The following DIXDC1 variants were observed in gnomAD, a reference collection of about 807,000 sequenced individuals.
The protein encoded by DIXDC1 is dixin.
Under a neutral mutation model 103.1 loss-of-function variants are expected in DIXDC1, and 64 were observed. The ratio of observed to expected loss-of-function variants is 0.62; its 90% CI spans 0.51 to 0.76. DIXDC1 has a LOEUF of 0.76. Among genes scored for constraint, DIXDC1 ranks in the 30% least tolerant of loss-of-function variants. The probability of loss-of-function intolerance (pLI) is 0.00; values close to 1 mark genes in which losing one functional copy is unlikely to be tolerated. For synonymous variants in DIXDC1, 266 were observed against 298.5 expected (o/e 0.89, Z 1.12); for missense variants, 759 against 834.2 (o/e 0.91, Z 1.11).
At position 111,964,738 on chromosome 11, in the gene DIXDC1, C is replaced by T. The variant is rs1859674062; in HGVS notation, c.190+60C>T. 3 of 1,505,608 alleles carry T rather than the reference C, an allele frequency of 2.0e-6. No individual in the cohort carries two copies. The Admixed American group carries it at 7.2e-5, about 36-fold the overall frequency. The allele number at this position is 1,505,608 out of a possible 1,614,324, so 93.3% of individuals were successfully genotyped here. A position where few individuals can be genotyped will look rare whatever the true frequency, so the allele number is the denominator to read the frequency against. On this transcript the variant is annotated intron_variant, in intron 2 of 19. Transcript: ENST00000440460. The stretch of plus-strand genomic sequence containing the variant: ...TAGATCAGAATCTGGCCTTCTTTAT[C>T]CTTCTTATGCCCTTTAGAGCAGGTT...
intron 17 of DIXDC1, among the ~76,000 whole-genome samples, chr11:112,013,822 TAGG>T (rs1861505134): frequency 6.6e-6 from 1 of 152,088 alleles, no homozygotes; most frequent in African/African-American, 2.4e-5. Flanking sequence ...CTAGGTAACT[TAGG>T]AGGAAAAGAG....
rs1341239330 is a variant in DIXDC1, at chr11:111,932,054, C to CA, written c.57+2145dup. ...TTTTTTTTTTTTTTTTTTTTTGAGA[C>CA]AGAGTCTCACTCTGTTCCCAGGCTG... On this transcript the variant is annotated intron_variant, in intron 2 of 5. Transcript: ENST00000529225. Among the ~76,000 whole-genome samples, 38 of 114,192 alleles carry CA rather than the reference C, an allele frequency of 3.3e-4. No individual in the cohort carries two copies. In the South Asian group the frequency reaches 0.011, roughly 33 times the overall value. 74.9% of individuals were successfully genotyped at this position (114,192 alleles called of 152,430 possible).
intron 5 of DIXDC1, chr11:111,975,665 A>AT: frequency 1.0e-6 from 1 of 985,582 alleles, no homozygotes; most frequent in Non-Finnish European, 1.2e-6. Flanking sequence ...TACTAACTTC[A>AT]TTTTGTTGCT....
At chr11:111,936,137 C>T (rs1407099652), upstream of DIXDC1, among the ~76,000 whole-genome samples, 1 of 152,106 alleles carries the variant, frequency 6.6e-6, no homozygotes, top group Non-Finnish European at 1.5e-5. Flanking sequence ...ACTCCTAGAT[C>T]CTTGAGCTGC....
chr11:111,957,804 T>C (rs868936367), intron 1 of DIXDC1, among the ~76,000 whole-genome samples: 1 of 152,168 alleles, frequency 6.6e-6, no homozygotes, highest in Admixed American at 6.5e-5. Flanking sequence ...AGTGGGACAG[T>C]TGGTGAAATT....
chr11:111,951,057 A>G (rs1592554936), intron 1 of DIXDC1, among the ~76,000 whole-genome samples: 1 of 152,236 alleles, frequency 6.6e-6, no homozygotes, highest in South Asian at 2.1e-4. Context: ...AGGGAGAAAT[A>G]CAAATACACA....
chr11:111,954,690 T>C lies in DIXDC1; in HGVS notation c.61-9859T>C, dbSNP rs182556679. 2.3e-3 allele frequency among the ~76,000 whole-genome samples: 345 copies of C among 152,284 alleles called. 1 individual carries two copies. Among genetic ancestry groups the C allele is most frequent in the Admixed American group, 3.8e-3 (58 of 15,298 alleles). Reference sequence around the variant, plus strand: ...TACTCTATTGTAGTTAATAAATTTATTTTTCACCAGGTATGAGTTAGCAGT... The same window carrying C: ...TACTCTATTGTAGTTAATAAATTTACTTTTCACCAGGTATGAGTTAGCAGT... On this transcript the variant is annotated intron_variant, in intron 1 of 19. Transcript: ENST00000440460.
At chr11:111,950,410 G>GTGTATA (rs1966741128) in intron 1 of DIXDC1, among the ~76,000 whole-genome samples, 1 of 25,034 alleles carries the variant, frequency 4.0e-5, no homozygotes, top group African/African-American at 1.1e-4. Flanking sequence ...TACAAAGTAG[G>GTGTATA]TATATATATA....
At position 111,958,913 on chromosome 11, in the gene DIXDC1, G is replaced by T. The variant is rs1859482046; in HGVS notation, c.61-5636G>T. Among the ~76,000 whole-genome samples the T allele has an allele frequency of 6.6e-6, 1 of 151,824 alleles. No homozygotes were observed. Among genetic ancestry groups the T allele is most frequent in the South Asian group, 2.1e-4 (1 of 4,808 alleles). ...GGGTCTCCTCCCTGCTGAATGGTGA[G>T]CAGATGATGGGAAAACCAGCCAAGG... is the stretch of plus-strand genomic sequence containing the variant. On this transcript the variant is annotated intron_variant, in intron 1 of 19. Coordinates refer to ENST00000440460, the MANE Select transcript of DIXDC1 (RefSeq NM_001037954.4). This position sits in a 1 kb window ranked among gnomAD's most constrained non-coding sequence, Gnocchi z 4.2.
At chr11:111,999,790 G>A (rs1427806917) in intron 17 of DIXDC1, among the ~76,000 whole-genome samples, 11 of 151,988 alleles carry the variant, frequency 7.2e-5, no homozygotes, top group African/African-American at 2.2e-4. Context: ...ACTTGAAACC[G>A]GGAGGCAGAA....
chr11:111,940,371 G>C (rs1198190905), intron 1 of DIXDC1, among the ~76,000 whole-genome samples: 2 of 152,196 alleles, frequency 1.3e-5, no homozygotes, highest in African/African-American at 4.8e-5. Flanking sequence ...CTGCCACCCT[G>C]GCTGTCATCC....
chr11:111,966,125 A>G (rs587678019), intron 2 of DIXDC1, among the ~76,000 whole-genome samples: 2 of 151,310 alleles, frequency 1.3e-5, no homozygotes, highest in South Asian at 4.2e-4. Context: ...TTCTATGTCT[A>G]TACAAGTAAT....
In DIXDC1 at chr11:111,982,344, A is replaced by G. The variant is rs1163637383; in HGVS notation, c.775A>G (p.Thr259Ala). 1 of 1,612,706 alleles carries G rather than the reference A, an allele frequency of 6.2e-7. No individual in the cohort carries two copies. The highest frequency in any genetic ancestry group is 1.3e-5 in the African/African-American group (1 of 74,766). Residue 259 changes from threonine to alanine, a missense_variant, in exon 7 of 20, where the codon ACA (threonine) becomes GCA (alanine). Around this residue, in one of 3 missense-constraint regions of DIXDC1, gnomAD observed 657 missense variants for 727.5 expected, o/e 0.90. Transcript: ENST00000440460. ...AEGIENRTEG[T>A]DSPLSRDWRP... ...TCCCTCTTTTCATTTTTTAGAAGGG[A>G]CAGATTCTCCATTATCTCGAGACTG...
rs1009546937 is a variant in DIXDC1, at chr11:111,958,889, G to T, written c.61-5660G>T. On this transcript the variant is annotated intron_variant, in intron 1 of 19. Coordinates refer to ENST00000440460, the MANE Select transcript of DIXDC1 (RefSeq NM_001037954.4). The surrounding 1 kb of genome is among the most constrained non-coding windows in gnomAD (Gnocchi z 4.2). ...TGCGGAGAGGAGCTACCCACTCCAGGGTCTCCTCCCTGCTGAATGGTGAGC... is the reference window on the plus strand; with the variant it reads ...TGCGGAGAGGAGCTACCCACTCCAGTGTCTCCTCCCTGCTGAATGGTGAGC... 1.3e-5 allele frequency among the ~76,000 whole-genome samples: 2 copies of T among 152,104 alleles called. No homozygotes were observed. Among genetic ancestry groups the T allele is most frequent in the Non-Finnish European group, 2.9e-5 (2 of 68,016 alleles).
At chr11:112,001,252 C>T (rs1389722717) in intron 17 of DIXDC1, among the ~76,000 whole-genome samples, 1 of 152,118 alleles carries the variant, frequency 6.6e-6, no homozygotes, top group African/African-American at 2.4e-5. Context: ...TAGGCAAATC[C>T]ATAGAGACCA....
At chr11:111,989,545 A>T (rs1163021485) in intron 10 of DIXDC1, among the ~76,000 whole-genome samples, 1 of 148,388 alleles carries the variant, frequency 6.7e-6, no homozygotes, top group Non-Finnish European at 1.5e-5. Flanking sequence ...AATCGCTTGA[A>T]CCCAGGAGGC....
At chr11:112,004,073 T>C (rs1188756041) in intron 17 of DIXDC1, among the ~76,000 whole-genome samples, 1 of 147,404 alleles carries the variant, frequency 6.8e-6, no homozygotes, top group Non-Finnish European at 1.5e-5. Flanking sequence ...TGTGTATATA[T>C]ATGTGTGTGT....
chr11:111,973,096 C>G (rs1368156611), intron 3 of DIXDC1, among the ~76,000 whole-genome samples: 1 of 149,488 alleles, frequency 6.7e-6, no homozygotes, highest in East Asian at 2.0e-4. Context: ...GTGAGCCGGG[C>G]GCAGTGGCTC....
At chr11:111,966,980 T>G (rs1398375377) in intron 2 of DIXDC1, among the ~76,000 whole-genome samples, 9 of 148,314 alleles carry the variant, frequency 6.1e-5, no homozygotes, top group Admixed American at 6.6e-5. Context: ...ATAACGCCCT[T>G]CTCTTCAAAC....
Sources: allele counts gnomAD v4.1 joint callset (sites outside exome capture counted in the v4.1 genomes callset), GRCh38; gene constraint gnomAD v4.1.1; regional missense constraint gnomAD v4.1.1; non-coding constraint Gnocchi (gnomAD v3.1); transcripts MANE v1.5; gene names NCBI Gene and HGNC (gene_info 2026-07-23, HGNC 2026-07-21).